The following PRDM11 variants were observed in gnomAD, a reference collection of about 807,000 sequenced individuals.
PRDM11 encodes the protein PR domain-containing protein 11.
PRDM11 carries 20 observed loss-of-function variants against 97.8 expected under a neutral mutation model. The observed-to-expected ratio is 0.20, with a 90% confidence interval of 0.14 to 0.30. The LOEUF is 0.30. Among genes scored for constraint, PRDM11 ranks in the 10% least tolerant of loss-of-function variants. The pLI is 1.00. For missense variants in PRDM11, 1,139 were observed against 1,555.2 expected (o/e 0.73, Z 4.50); for synonymous variants, 599 against 637.7 (o/e 0.94, Z 0.91).
rs778525037 is a variant in PRDM11 at position 45,182,359 on chromosome 11, G to T, written c.223+10G>T. ...CAAGTGGACTTCTGGTGTAAGTGGA[G>T]CTTGGGGCTCTGGGCTGCTCCTCCC... On this transcript the variant is annotated intron_variant, in intron 3 of 7. Transcript: ENST00000683152. 5 of 1,611,246 alleles carry T rather than the reference G, an allele frequency of 3.1e-6. No homozygotes were observed. In the Admixed American group the frequency reaches 8.3e-5, roughly 27 times the overall value.
intron 1 of PRDM11, among the ~76,000 whole-genome samples, chr11:45,175,867 G>A (rs1852315408): frequency 6.6e-6 from 1 of 152,154 alleles, no homozygotes; most frequent in Non-Finnish European, 1.5e-5. Flanking sequence ...TATTAGAGGA[G>A]AAATGATATT....
At chr11:45,101,435 A>T (rs73464505) in intron 1 of PRDM11, among the ~76,000 whole-genome samples, 32,640 of 151,864 alleles carry the variant, frequency 0.21, 3,702 homozygotes, top group Middle Eastern at 0.28. Context: ...CTGCACCTGT[A>T]GTCCCAGCCA....
At chr11:45,098,134 A>G (rs866064567) in intron 1 of PRDM11, among the ~76,000 whole-genome samples, 2 of 152,224 alleles carry the variant, frequency 1.3e-5, no homozygotes, top group East Asian at 1.9e-4. Context: ...CAGGCCTCAG[A>G]GTATCAGGCC....
intron 4 of PRDM11, among the ~76,000 whole-genome samples, chr11:45,195,309 C>T (rs550518903): frequency 6.6e-5 from 10 of 152,158 alleles, no homozygotes; most frequent in Non-Finnish European, 1.0e-4. Flanking sequence ...TCATCACAGT[C>T]GGTTTCATCA....
chr11:45,163,905 G>A (rs906122434), intron 1 of PRDM11, among the ~76,000 whole-genome samples: 19 of 152,176 alleles, frequency 1.2e-4, no homozygotes, highest in African/African-American at 4.6e-4. Context: ...GCACATGACG[G>A]TGTGGTGGGG....
intron 4 of PRDM11, among the ~76,000 whole-genome samples, chr11:45,196,729 G>C (rs1853135827): frequency 6.6e-6 from 1 of 152,184 alleles, no homozygotes; most frequent in African/African-American, 2.4e-5. Flanking sequence ...GCGGGTGGTT[G>C]GTCCTGAGGC....
intron 4 of PRDM11, among the ~76,000 whole-genome samples, chr11:45,200,582 A>T (rs148852790): frequency 5.6e-4 from 86 of 152,332 alleles, no homozygotes; most frequent in African/African-American, 1.8e-3. Context: ...CATGGCTCTT[A>T]CTACCCTCCA....
At chr11:45,192,602 C>T (rs1852954968) in intron 4 of PRDM11, among the ~76,000 whole-genome samples, 1 of 152,092 alleles carries the variant, frequency 6.6e-6, no homozygotes, top group Non-Finnish European at 1.5e-5. Context: ...CAGTACAGAC[C>T]AGCTCCTAAC....
intron 1 of PRDM11, among the ~76,000 whole-genome samples, chr11:45,140,466 A>G (rs1206467289): frequency 6.6e-6 from 1 of 152,220 alleles, no homozygotes; most frequent in African/African-American, 2.4e-5. Context: ...GGAATCAAGA[A>G]TATTCCCCTA....
intron 1 of PRDM11, among the ~76,000 whole-genome samples, chr11:45,096,856 T>G (rs1265971438): frequency 6.6e-6 from 1 of 152,216 alleles, no homozygotes; most frequent in East Asian, 1.9e-4. Flanking sequence ...TCCAAGTACA[T>G]TCTCTGCCAG....
intron 1 of PRDM11, among the ~76,000 whole-genome samples, chr11:45,177,416 C>A (rs1276072491): frequency 6.6e-6 from 1 of 152,200 alleles, no homozygotes; most frequent in Non-Finnish European, 1.5e-5. Flanking sequence ...TCAGAAAAGG[C>A]AACAGGGGCT....
chr11:45,130,307 C>T (rs746576351), intron 1 of PRDM11, among the ~76,000 whole-genome samples: 4 of 151,952 alleles, frequency 2.6e-5, no homozygotes, highest in African/African-American at 7.3e-5. Flanking sequence ...ACATCAGGAG[C>T]GTGAAAAGGC....
chr11:45,163,646 CAT>C (rs1403036759), intron 1 of PRDM11, among the ~76,000 whole-genome samples: 2 of 152,250 alleles, frequency 1.3e-5, no homozygotes, highest in South Asian at 2.1e-4. Flanking sequence ...GGCTCAACCA[CAT>C]GTTTGCTGTG....
At position 45,182,239 on chromosome 11, in the gene PRDM11, T is replaced by C; in HGVS notation, c.120-7T>C. On this transcript the variant is annotated splice_region_variant and splice_polypyrimidine_tract_variant and intron_variant, in intron 2 of 7. Coordinates refer to ENST00000683152, the MANE Select transcript of PRDM11 (RefSeq NM_001384648.1). Reference sequence around the variant, plus strand: ...TTGCTTTCTTTGCGGGCCTCTGCCCTGGCCAGCTCTAGGAGACCGGACTCC... The same window carrying C: ...TTGCTTTCTTTGCGGGCCTCTGCCCCGGCCAGCTCTAGGAGACCGGACTCC... The C allele has an allele frequency of 1.2e-6, 2 of 1,613,510 alleles. No individual in the cohort carries two copies. The highest frequency in any genetic ancestry group is 1.7e-6 in the Non-Finnish European group (2 of 1,179,694).
At chr11:45,213,000 C>T (rs773195788) in intron 5 of PRDM11, 1 of 403,994 alleles carries the variant, frequency 2.5e-6, no homozygotes, top group South Asian at 1.8e-5. Flanking sequence ...GCATCAGCCC[C>T]CACACGGACT....
Position 45,132,980 on chromosome 11 carries a change from A to C in PRDM11, c.96+37079A>C, listed in dbSNP as rs372781574. Among the ~76,000 whole-genome samples the C allele has an allele frequency of 4.1e-4, 63 of 152,154 alleles. No individual in the cohort carries two copies. The South Asian group carries it at 8.9e-3, about 22-fold the overall frequency. The stretch of plus-strand genomic sequence containing the variant: ...CTTAAGAATGTGCCACACATACCCC[A>C]TCCCCATCCCCATCCCCAAATTAAA... On this transcript the variant is annotated intron_variant, in intron 1 of 6. Transcript: ENST00000530656.
At chr11:45,146,392 T>C (rs1851508621), upstream of PRDM11, among the ~76,000 whole-genome samples, 1 of 152,174 alleles carries the variant, frequency 6.6e-6, no homozygotes, top group Non-Finnish European at 1.5e-5. Context: ...GTTCGAAAGT[T>C]CTCTCTTAAC....
At chr11:45,096,660 CA>C (rs1851890506) in intron 1 of PRDM11, among the ~76,000 whole-genome samples, 1 of 152,226 alleles carries the variant, frequency 6.6e-6, no homozygotes, top group South Asian at 2.1e-4. Flanking sequence ...AGCAACTCTG[CA>C]CCACCTCCCA....
At chr11:45,124,795 A>T (rs908617229) in intron 1 of PRDM11, among the ~76,000 whole-genome samples, 4 of 152,166 alleles carry the variant, frequency 2.6e-5, no homozygotes, top group African/African-American at 9.7e-5. Flanking sequence ...TTGGTCTAAC[A>T]TTCTCTGTTT....
Sources: gnomAD v4.1 joint callset for allele counts (sites outside exome capture counted in the v4.1 genomes callset) on GRCh38, gnomAD v4.1.1 for gene constraint, MANE v1.5 for transcripts, NCBI Gene and HGNC (gene_info 2026-07-23, HGNC 2026-07-21) for gene names.